The following PPFIA2 variants were observed in gnomAD, a reference collection of about 807,000 sequenced individuals.
PPFIA2 encodes the protein liprin-alpha-2.
In PPFIA2, 46 loss-of-function variants were observed where a neutral mutation model predicts 175.5. The observed-to-expected ratio is 0.26, with a 90% CI of 0.21 to 0.34. PPFIA2 has a LOEUF of 0.34. Ranked by LOEUF, PPFIA2 falls within the 10% of genes least tolerant of loss-of-function variation. PPFIA2 has a pLI of 1.00. For missense variants in PPFIA2, 1,179 were observed against 1,506.1 expected (o/e 0.78, Z 3.60); for synonymous variants, 568 against 511.4 (o/e 1.11, Z -1.49).
At chr12:81,397,338 T>G (rs1431640059) in intron 8 of PPFIA2, among the ~76,000 whole-genome samples, 1 of 152,014 alleles carries the variant, frequency 6.6e-6, no homozygotes, top group Non-Finnish European at 1.5e-5. Context: ...AGAGAGCAGA[T>G]GCTCCAACAT....
chr12:81,753,526 TAAA>T (rs796161671), intron 3 of PPFIA2, among the ~76,000 whole-genome samples: 1 of 139,490 alleles, frequency 7.2e-6, no homozygotes, highest in Admixed American at 7.1e-5. Flanking sequence ...ATTAGGCATT[TAAA>T]AAAAAAAAAA....
At chr12:81,371,604 C>T (rs931736643) in intron 11 of PPFIA2, among the ~76,000 whole-genome samples, 2 of 151,344 alleles carry the variant, frequency 1.3e-5, no homozygotes, top group African/African-American at 4.8e-5. Context: ...GTGAAAATTC[C>T]CTTCAGAGAA....
At chr12:81,439,843 C>T (rs531157322) in intron 7 of PPFIA2, 129 bp downstream of exon 7, 6 of 799,590 alleles carry the variant, frequency 7.5e-6, no homozygotes, top group East Asian at 2.9e-5. Flanking sequence ...TTTCAACAAG[C>T]CTTGTTCAAT....
At chr12:81,439,033 T>C (rs1203138286) in intron 7 of PPFIA2, among the ~76,000 whole-genome samples, 2 of 151,830 alleles carry the variant, frequency 1.3e-5, no homozygotes, top group African/African-American at 4.8e-5. Context: ...GTATGTCCAA[T>C]ACTAGTAATA....
Position 81,750,560 on chromosome 12 carries a change from G to A in PPFIA2, c.249+3413C>T, listed in dbSNP as rs1828690688. Among the ~76,000 whole-genome samples, 3 of 152,046 alleles carry A rather than the reference G, an allele frequency of 2.0e-5. No homozygotes were observed. In the South Asian group the frequency reaches 6.2e-4, roughly 32 times the overall value. On this transcript the variant is annotated intron_variant, in intron 3 of 32. Coordinates refer to ENST00000549396, the MANE Select transcript of PPFIA2 (RefSeq NM_003625.5). ...CTGTGGAACATAAAAATGGATCTGT[G>A]CATTAATAAGTTAGATAATTGAGGG...
At chr12:81,273,000 C>A (rs1026305217) in intron 28 of PPFIA2, among the ~76,000 whole-genome samples, 9 of 152,064 alleles carry the variant, frequency 5.9e-5, no homozygotes, top group Admixed American at 2.0e-4. Flanking sequence ...ATAGCCTGAT[C>A]TGTTTAAGTT....
chr12:81,490,477 C>A (rs2059310825), intron 4 of PPFIA2, among the ~76,000 whole-genome samples: 1 of 151,916 alleles, frequency 6.6e-6, no homozygotes, highest in African/African-American at 2.4e-5. Context: ...TACTTCTTCT[C>A]ATTTGAATGT....
rs774363576 is a variant in PPFIA2, at chr12:81,299,409, G to T, written c.2643-27C>A. ...TGAAGTATATAGCAAAGATTATTAG[G>T]CAGGTATATGGAAAAATATGGCTGT... On this transcript the variant is annotated intron_variant, in intron 22 of 32. Transcript: ENST00000549396. 9.4e-5 allele frequency: 146 copies of T among 1,550,824 alleles called. 1 individual carries two copies. The highest frequency in any genetic ancestry group is 6.7e-4 in the Middle Eastern group (4 of 5,970).
At chr12:81,475,864 A>T (rs760246437) in intron 4 of PPFIA2, among the ~76,000 whole-genome samples, 8 of 152,088 alleles carry the variant, frequency 5.3e-5, no homozygotes, top group Non-Finnish European at 8.8e-5. Context: ...GGTGCCCGCC[A>T]CCAAGGCCGG....
chr12:81,621,991 C>G (rs1220017535), intron 4 of PPFIA2, among the ~76,000 whole-genome samples: 1 of 151,978 alleles, frequency 6.6e-6, no homozygotes, highest in Non-Finnish European at 1.5e-5. Flanking sequence ...CTGTAACATC[C>G]CAATATGAAA....
At chr12:81,435,667 G>T (rs890294191) in intron 7 of PPFIA2, among the ~76,000 whole-genome samples, 2 of 152,028 alleles carry the variant, frequency 1.3e-5, no homozygotes, top group Non-Finnish European at 2.9e-5. Context: ...ATATAATGAT[G>T]ATAGAATAAA....
At chr12:81,327,862 G>A (rs1320188698) in intron 21 of PPFIA2, among the ~76,000 whole-genome samples, 2 of 152,116 alleles carry the variant, frequency 1.3e-5, no homozygotes, top group African/African-American at 4.8e-5. Context: ...TAAAAAGCAT[G>A]AAGAACTTAG....
chr12:81,477,399 C>T (rs1051433501), intron 4 of PPFIA2, among the ~76,000 whole-genome samples: 5 of 152,098 alleles, frequency 3.3e-5, no homozygotes, highest in Non-Finnish European at 7.4e-5. Flanking sequence ...CATATTTTTA[C>T]AAAATGATAT....
intron 22 of PPFIA2, chr12:81,312,355 A>G (rs898259071): frequency 6.1e-5 from 37 of 604,744 alleles, no homozygotes; most frequent in African/African-American, 9.2e-5. Flanking sequence ...CTGCGTCGAA[A>G]AGCATAGTCA....
At chr12:81,557,662 T>C (rs1014196771) in intron 4 of PPFIA2, among the ~76,000 whole-genome samples, 8 of 152,056 alleles carry the variant, frequency 5.3e-5, no homozygotes, top group African/African-American at 1.9e-4. Flanking sequence ...CTAGTCTTTG[T>C]ATAGGTGAAT....
intron 4 of PPFIA2, among the ~76,000 whole-genome samples, chr12:81,592,666 C>T (rs757123303): frequency 4.6e-5 from 7 of 152,134 alleles, no homozygotes; most frequent in Non-Finnish European, 1.0e-4. Flanking sequence ...CTTTGCCTTC[C>T]ACCGTGATTG....
At chr12:81,623,388 C>T (rs189760041) in intron 4 of PPFIA2, among the ~76,000 whole-genome samples, 130 of 151,960 alleles carry the variant, frequency 8.6e-4, no homozygotes, top group Non-Finnish European at 1.6e-3. Context: ...ATTAATAGTG[C>T]TCATTAAAAT....
At position 81,449,126 on chromosome 12, in the gene PPFIA2, C is replaced by T. The variant is rs138558544; in HGVS notation, c.406-3406G>A. On this transcript the variant is annotated intron_variant, in intron 5 of 32. Coordinates refer to ENST00000549396, the MANE Select transcript of PPFIA2 (RefSeq NM_003625.5). ...CAGCCTATTTCCCTTGCCACCATGT[C>T]GTATTTCTCAATGTGCATAAAGAAG... Among the ~76,000 whole-genome samples the T allele has an allele frequency of 3.2e-3, 493 of 152,216 alleles. 3 individuals are homozygous for T. Among genetic ancestry groups the T allele is most frequent in the Admixed American group, 5.8e-3 (88 of 15,288 alleles).
chr12:81,641,844 G>T (rs960824131), intron 4 of PPFIA2, among the ~76,000 whole-genome samples: 7 of 152,110 alleles, frequency 4.6e-5, no homozygotes, highest in African/African-American at 1.7e-4. Context: ...AAGTGTCAGG[G>T]TGTCTTATTA....
Sources: allele counts gnomAD v4.1 joint callset (sites outside exome capture counted in the v4.1 genomes callset), GRCh38; gene constraint gnomAD v4.1.1; transcripts MANE v1.5; gene names NCBI Gene and HGNC (gene_info 2026-07-23, HGNC 2026-07-21).